ANKRD10: variants seen among roughly 807,000 people sequenced by gnomAD.
ANKRD10 encodes the protein ankyrin repeat domain 10.
Under a neutral mutation model 27.0 loss-of-function variants are expected in ANKRD10, and 14 were observed. The ratio of observed to expected loss-of-function variants is 0.52; its 90% CI spans 0.34 to 0.81. The LOEUF is 0.81. Among genes scored for constraint, ANKRD10 ranks in the 40% least tolerant of loss-of-function variants. The pLI is 0.01. For missense variants in ANKRD10, 493 were observed against 544.0 expected (o/e 0.91, Z 0.93); for synonymous variants, 250 against 224.5 (o/e 1.11, Z -1.01).
intron 3 of ANKRD10, among the ~76,000 whole-genome samples, chr13:110,900,971 C>T (rs1249322851): frequency 6.6e-6 from 1 of 152,018 alleles, no homozygotes; most frequent in East Asian, 1.9e-4. Flanking sequence ...TTAAATATGT[C>T]AATATTTCAA....
intron 2 of ANKRD10, among the ~76,000 whole-genome samples, 189 bp from the exon 3 acceptor site, chr13:110,906,313 C>A (rs938970869): frequency 5.3e-5 from 8 of 151,962 alleles, no homozygotes; most frequent in Non-Finnish European, 1.2e-4. Context: ...CAGGAGGGGC[C>A]AAGATATTTG....
intron 5 of ANKRD10, chr13:110,883,491 G>A: frequency 7.7e-7 from 1 of 1,296,400 alleles, no homozygotes; most frequent in Non-Finnish European, 9.8e-7. Flanking sequence ...TTTTTAAAAA[G>A]ACACTGGACA....
rs572718880 is a variant in ANKRD10 at position 110,888,377 on chromosome 13, G to A, written c.692-4584C>T. On this transcript the variant is annotated intron_variant, in intron 4 of 5. Coordinates refer to ENST00000267339, the MANE Select transcript of ANKRD10 (RefSeq NM_017664.4). ...TGTAATTCAGACTGTATTTCAAGACGTCACATCTTCAGGGATCAAGAAAAA... is the reference window on the plus strand; with the variant it reads ...TGTAATTCAGACTGTATTTCAAGACATCACATCTTCAGGGATCAAGAAAAA... 9.9e-5 allele frequency among the ~76,000 whole-genome samples: 15 copies of A among 152,046 alleles called. No homozygotes were observed. The South Asian group carries it at 3.1e-3, about 32-fold the overall frequency.
chr13:110,906,492 C>T (rs1173168667), intron 2 of ANKRD10, among the ~76,000 whole-genome samples: 2 of 152,202 alleles, frequency 1.3e-5, no homozygotes, highest in South Asian at 2.1e-4. Context: ...CACATTAAAA[C>T]GGTCATCAAG....
chr13:110,896,075 ACTT>A (rs1321779651), intron 3 of ANKRD10, among the ~76,000 whole-genome samples: 2 of 152,218 alleles, frequency 1.3e-5, no homozygotes, highest in Non-Finnish European at 2.9e-5. Flanking sequence ...AGGTCAAACA[ACTT>A]CTAGCATCTC....
intron 4 of ANKRD10, among the ~76,000 whole-genome samples, chr13:110,891,300 C>T (rs532656281): frequency 4.5e-4 from 68 of 152,064 alleles, no homozygotes; most frequent in Non-Finnish European, 8.5e-4. Flanking sequence ...CTTAAAAAGG[C>T]GTTGAAACTA....
At chr13:110,898,750 C>CTTTTTTTTT (rs56176208) in intron 3 of ANKRD10, among the ~76,000 whole-genome samples, 3 of 106,558 alleles carry the variant, frequency 2.8e-5, no homozygotes, top group Admixed American at 1.1e-4. Context: ...TTTTTCTTTT[C>CTTTTTTTTT]TTTTTTTTTT....
At chr13:110,892,961 A>G in intron 4 of ANKRD10, 67 bp downstream of exon 4, 3 of 1,582,354 alleles carry the variant, frequency 1.9e-6, no homozygotes, top group Non-Finnish European at 1.7e-6. Flanking sequence ...GCGCTCAGCC[A>G]TAAAAAGAAA....
intron 3 of ANKRD10, chr13:110,904,881 A>G (rs1303650266): frequency 1.3e-5 from 2 of 152,222 alleles, no homozygotes; most frequent in East Asian, 1.9e-4. Context: ...AAACTTAACA[A>G]AACAGAAGCT....
At chr13:110,900,691 G>A (rs775778937) in intron 3 of ANKRD10, 52 of 1,350,472 alleles carry the variant, frequency 3.9e-5, no homozygotes, top group Non-Finnish European at 4.8e-5. Flanking sequence ...TTCGAATTAC[G>A]TAGCTGTAAA....
intron 3 of ANKRD10, among the ~76,000 whole-genome samples, chr13:110,895,970 CA>C (rs1445652122): frequency 1.3e-5 from 2 of 152,128 alleles, no homozygotes. Flanking sequence ...GGTATTATCT[CA>C]AAACTTACTT....
At chr13:110,910,122 T>C (rs1163234871) in intron 2 of ANKRD10, among the ~76,000 whole-genome samples, 1 of 152,238 alleles carries the variant, frequency 6.6e-6, no homozygotes, top group Non-Finnish European at 1.5e-5. Context: ...ATTATGTTCC[T>C]GTCAGTATGT....
chr13:110,914,376 C>CCG (rs569966191), intron 1 of ANKRD10: 2,832 of 179,898 alleles, frequency 0.016, 92 homozygotes, highest in African/African-American at 0.063. Context: ...CCCGCACCAT[C>CCG]CGCGCGCGCG....
chr13:110,883,752 T>C lies in ANKRD10; in HGVS notation c.733A>G (p.Thr245Ala), dbSNP rs2064861817. 1.2e-6 allele frequency: 2 copies of C among 1,614,118 alleles called. No individual in the cohort carries two copies. The highest frequency in any genetic ancestry group is 1.6e-4 in the Middle Eastern group (1 of 6,084). The change falls in exon 5 of 6, where the codon ACA becomes GCA. Residue 245 changes from threonine to alanine, a missense_variant. By Grantham distance (58) the Thr-to-Ala change is moderately conservative (BLOSUM62 0). Coordinates refer to ENST00000267339, the MANE Select transcript of ANKRD10 (RefSeq NM_017664.4). ...TGCATTTTGTCAGCATCGTCTTCTG[T>C]GTCGCCATTCGTGAGTGGCACGGCA... is the stretch of plus-strand genomic sequence containing the variant. ...DSAVPLTNGDTEDDADKMHVD... is the reference protein window; with the variant it reads ...DSAVPLTNGDAEDDADKMHVD...
At chr13:110,912,637 AAC>A (rs2065751607) in intron 1 of ANKRD10, among the ~76,000 whole-genome samples, 1 of 152,244 alleles carries the variant, frequency 6.6e-6, no homozygotes, top group Non-Finnish European at 1.5e-5. Flanking sequence ...TAAAAGCTAC[AAC>A]AGAGATTTTA....
At chr13:110,901,299 G>T (rs2065374187) in intron 3 of ANKRD10, among the ~76,000 whole-genome samples, 1 of 152,156 alleles carries the variant, frequency 6.6e-6, no homozygotes, top group African/African-American at 2.4e-5. Context: ...TATTTTTAAA[G>T]AGTTTCTACC....
chr13:110,894,028 C>A (rs2065152316), intron 3 of ANKRD10: 2 of 1,065,538 alleles, frequency 1.9e-6, no homozygotes, highest in Admixed American at 1.8e-5. Context: ...TCTACAGTAG[C>A]TAAAACTCAG....
At chr13:110,894,628 AC>A (rs1695044239) in intron 3 of ANKRD10, 1 of 152,660 alleles carries the variant, frequency 6.6e-6, no homozygotes, top group Non-Finnish European at 1.5e-5. Flanking sequence ...TTGAAAAAAG[AC>A]CCAAATCCTA....
Position 110,893,063 on chromosome 13 carries a change from G to T in ANKRD10, c.656C>A (p.Ser219Ter), listed in dbSNP as rs753974891. The T allele has an allele frequency of 6.2e-7, 1 of 1,614,216 alleles. No individual in the cohort carries two copies. Among genetic ancestry groups the T allele is most frequent in the South Asian group, 1.1e-5 (1 of 91,084 alleles). Residue 219 changes from serine (S) to a stop codon, truncating the protein, a stop_gained, in exon 4 of 6, where the codon TCA (serine) becomes TAA (stop). Transcript: ENST00000267339. LOFTEE classifies it high-confidence loss of function. ...GTNRKRCLED[S>*]EDFGVKKART... ...AGCTTTCTTTACTCCAAAGTCTTCT[G>T]AGTCTTCCAAGCATCTCTTTCGATT...
Sources: gnomAD v4.1 joint callset for allele counts (sites outside exome capture counted in the v4.1 genomes callset) on GRCh38, gnomAD v4.1.1 for gene constraint, MANE v1.5 for transcripts, NCBI Gene and HGNC (gene_info 2026-07-23, HGNC 2026-07-21) for gene names.